The following DYNC1I1 variants were observed in gnomAD, a reference collection of about 807,000 sequenced individuals.
DYNC1I1 encodes the protein cytoplasmic dynein 1 intermediate chain 1.
DYNC1I1 carries 43 observed loss-of-function variants against 86.6 expected under a neutral mutation model. The observed-to-expected ratio is 0.50, with a 90% CI of 0.39 to 0.64. DYNC1I1 has a LOEUF of 0.64. Among genes scored for constraint, DYNC1I1 ranks in the 30% least tolerant of loss-of-function variants. The probability of loss-of-function intolerance (pLI) is 0.00; values close to 1 mark genes in which losing one functional copy is unlikely to be tolerated. For synonymous variants in DYNC1I1, 262 were observed against 283.7 expected (o/e 0.92, Z 0.77); for missense variants, 604 against 788.8 (o/e 0.77, Z 2.81).
chr7:95,834,486 A>C (rs1182253010), intron 5 of DYNC1I1, among the ~76,000 whole-genome samples: 1 of 106,860 alleles, frequency 9.4e-6, no homozygotes, highest in East Asian at 3.2e-4. Flanking sequence ...CTGGCCTCAT[A>C]AAATGAGTTA....
chr7:95,824,192 G>A (rs1034278550), intron 4 of DYNC1I1, among the ~76,000 whole-genome samples: 14 of 151,122 alleles, frequency 9.3e-5, no homozygotes, highest in African/African-American at 3.4e-4. Flanking sequence ...GAGTTTCGTC[G>A]TGTCGCCCAG....
chr7:96,055,040 C>T (rs1200214794), intron 14 of DYNC1I1, among the ~76,000 whole-genome samples: 2 of 152,134 alleles, frequency 1.3e-5, no homozygotes, highest in African/African-American at 4.8e-5. Flanking sequence ...AGCCTTTGCC[C>T]ATGCCTGTGT....
At chr7:95,829,621 A>T (rs1795277474) in intron 5 of DYNC1I1, among the ~76,000 whole-genome samples, 1 of 152,148 alleles carries the variant, frequency 6.6e-6, no homozygotes, top group South Asian at 2.1e-4. Flanking sequence ...GTGCTAAATT[A>T]CACTTGCTGA....
At chr7:96,014,397 A>G (rs1794353407) in intron 10 of DYNC1I1, among the ~76,000 whole-genome samples, 1 of 152,152 alleles carries the variant, frequency 6.6e-6, no homozygotes, top group Non-Finnish European at 1.5e-5. Flanking sequence ...CGGAATCTGA[A>G]ATAGGAACCC....
At chr7:95,805,756 A>T (rs1288159271) in intron 2 of DYNC1I1, among the ~76,000 whole-genome samples, 1 of 152,152 alleles carries the variant, frequency 6.6e-6, no homozygotes, top group Non-Finnish European at 1.5e-5. Flanking sequence ...TAAGAAGAAA[A>T]CTTCGTGTGG....
At chr7:95,869,185 A>C (rs1375420004) in intron 5 of DYNC1I1, among the ~76,000 whole-genome samples, 1 of 152,314 alleles carries the variant, frequency 6.6e-6, no homozygotes, top group Non-Finnish European at 1.5e-5. Flanking sequence ...CACGTAACAT[A>C]ATGAATCTAA....
intron 6 of DYNC1I1, among the ~76,000 whole-genome samples, chr7:95,959,981 C>A (rs894797728): frequency 6.6e-6 from 1 of 152,136 alleles, no homozygotes; most frequent in African/African-American, 2.4e-5. Flanking sequence ...TATAGATTCC[C>A]CTAAGCGGAC....
intron 6 of DYNC1I1, among the ~76,000 whole-genome samples, chr7:95,956,697 G>A (rs1331106168): frequency 1.3e-5 from 2 of 152,134 alleles, no homozygotes; most frequent in African/African-American, 4.8e-5. Flanking sequence ...CCATGTCCCT[G>A]CAGATGACAT....
intron 6 of DYNC1I1, among the ~76,000 whole-genome samples, chr7:95,955,471 G>A (rs319342): frequency 0.8 from 122,293 of 152,012 alleles, 49,503 homozygotes; most frequent in East Asian, 0.92. Context: ...ACACTTAGCT[G>A]ATTTTTAATT....
chr7:95,885,679 G>T (rs1790574706), intron 6 of DYNC1I1, among the ~76,000 whole-genome samples: 2 of 152,080 alleles, frequency 1.3e-5, no homozygotes, highest in South Asian at 2.1e-4. Flanking sequence ...TAGAGACAGG[G>T]TCTCACTGTA....
chr7:95,938,967 A>T (rs1213168810), intron 6 of DYNC1I1, among the ~76,000 whole-genome samples: 1 of 152,158 alleles, frequency 6.6e-6, no homozygotes, highest in Admixed American at 6.6e-5. Flanking sequence ...CACTGCTTTG[A>T]ATGTGTCCCA....
At chr7:96,034,464 A>T (rs899570572) in intron 12 of DYNC1I1, among the ~76,000 whole-genome samples, 1 of 152,200 alleles carries the variant, frequency 6.6e-6, no homozygotes, top group Non-Finnish European at 1.5e-5. Flanking sequence ...CTGTGTCTAT[A>T]CAAAGATGGA....
At chr7:95,878,989 C>T (rs957145644) in intron 6 of DYNC1I1, among the ~76,000 whole-genome samples, 3 of 150,078 alleles carry the variant, frequency 2.0e-5, no homozygotes, top group African/African-American at 7.3e-5. Flanking sequence ...GAATCACTAC[C>T]CAGCAAAGCT....
chr7:96,099,324 G>C (rs1791092186), downstream of DYNC1I1, among the ~76,000 whole-genome samples: 1 of 152,182 alleles, frequency 6.6e-6, no homozygotes, highest in Non-Finnish European at 1.5e-5. Flanking sequence ...TTCTTGTGCA[G>C]GCCATCCCCT....
chr7:96,080,133 T>C (rs999521346), intron 15 of DYNC1I1, among the ~76,000 whole-genome samples: 1 of 152,064 alleles, frequency 6.6e-6, no homozygotes. Context: ...GTAAAAAGAC[T>C]CTCCCTCCTT....
At chr7:96,083,539 A>C (rs1477894187) in intron 16 of DYNC1I1, among the ~76,000 whole-genome samples, 1 of 152,154 alleles carries the variant, frequency 6.6e-6, no homozygotes, top group Non-Finnish European at 1.5e-5. Context: ...CTGACAGAAC[A>C]TAACTGTGCT....
intron 6 of DYNC1I1, among the ~76,000 whole-genome samples, chr7:95,890,950 C>T (rs1790721519): frequency 6.6e-6 from 1 of 152,278 alleles, no homozygotes; most frequent in Middle Eastern, 3.4e-3. Flanking sequence ...TGTGTATCCC[C>T]CAAATTTCAT....
At chr7:96,068,177 T>C (rs1422896828) in intron 14 of DYNC1I1, among the ~76,000 whole-genome samples, 1 of 152,174 alleles carries the variant, frequency 6.6e-6, no homozygotes, top group African/African-American at 2.4e-5. Flanking sequence ...TCACCTCACA[T>C]TTAGAGCATA....
chr7:95,816,433 A>C (rs753882412), intron 4 of DYNC1I1, among the ~76,000 whole-genome samples: 2 of 152,202 alleles, frequency 1.3e-5, no homozygotes, highest in Non-Finnish European at 2.9e-5. Flanking sequence ...ATTTCACTTA[A>C]AGTGTTACCA....
Sources: gnomAD v4.1 joint callset for allele counts (sites outside exome capture counted in the v4.1 genomes callset) on GRCh38, gnomAD v4.1.1 for gene constraint, MANE v1.5 for transcripts, NCBI Gene and HGNC (gene_info 2026-07-23, HGNC 2026-07-21) for gene names.